MTFR1: variants seen among roughly 807,000 people sequenced by gnomAD.
MTFR1 encodes mitochondrial fission regulator 1, also known as chondrocyte protein with a poly-proline region.
In MTFR1, 28 loss-of-function variants were observed where a neutral mutation model predicts 38.8. That is an observed-to-expected ratio of 0.72 (90% CI 0.53 to 0.99). MTFR1 has a LOEUF of 0.99. Among genes scored for constraint, MTFR1 ranks in the 50% least tolerant of loss-of-function variants. MTFR1 has a pLI of 0.00. For missense variants in MTFR1, 358 were observed against 395.5 expected, an observed-to-expected ratio of 0.91 and a Z score of 0.81; for synonymous variants, 145 against 137.0, an observed-to-expected ratio of 1.06 and a Z score of -0.41.
intron 3 of MTFR1, among the ~76,000 whole-genome samples, chr8:65,743,125 T>C (rs1243033965): frequency 1.3e-5 from 2 of 151,702 alleles, no homozygotes; most frequent in African/African-American, 4.9e-5. Flanking sequence ...GGCTATGAGC[T>C]GTGAGAGTTT....
At chr8:65,719,213 A>T in intron 2 of MTFR1, 1 of 943,844 alleles carries the variant, frequency 1.1e-6, no homozygotes, top group Non-Finnish European at 1.7e-6. Context: ...GTCAAGAGTT[A>T]AGTTCTCTCA....
intron 3 of MTFR1, among the ~76,000 whole-genome samples, chr8:65,736,674 C>T (rs1382416316): frequency 6.6e-6 from 1 of 151,610 alleles, no homozygotes; most frequent in Non-Finnish European, 1.5e-5. Context: ...TCGCATGAGC[C>T]GAGAGGTTGA....
intron 1 of MTFR1, among the ~76,000 whole-genome samples, chr8:65,656,296 T>C (rs1809269360): frequency 6.6e-6 from 1 of 151,962 alleles, no homozygotes. Flanking sequence ...AAGGACATAG[T>C]CTCAAAATAA....
At chr8:65,661,327 T>C (rs1308892389) in intron 1 of MTFR1, among the ~76,000 whole-genome samples, 1 of 152,250 alleles carries the variant, frequency 6.6e-6, no homozygotes, top group Non-Finnish European at 1.5e-5. Context: ...TACTTTCTAC[T>C]CAATTTTGCT....
chr8:65,657,779 G>C (rs768490912), intron 1 of MTFR1, among the ~76,000 whole-genome samples: 1 of 151,262 alleles, frequency 6.6e-6, no homozygotes, highest in Admixed American at 6.6e-5. Context: ...ATAACTTCAC[G>C]TTCCTTTTTT....
At chr8:65,706,213 TCCTTTTGCTTTACCTC>T (rs1183290074) in intron 5 of MTFR1, among the ~76,000 whole-genome samples, 2 of 152,236 alleles carry the variant, frequency 1.3e-5, no homozygotes, top group African/African-American at 2.4e-5. Context: ...AATTGATTTT[TCCTTTTGCTTTACCTC>T]CCTCTTCTGG....
At chr8:65,740,345 AC>A (rs1344105069) in intron 3 of MTFR1, among the ~76,000 whole-genome samples, 1 of 151,582 alleles carries the variant, frequency 6.6e-6, no homozygotes, top group Non-Finnish European at 1.5e-5. Context: ...GTTCCCATCC[AC>A]CCCCTCATTC....
chr8:65,644,531 G>T (rs1390696263), upstream of MTFR1, among the ~76,000 whole-genome samples: 1 of 152,228 alleles, frequency 6.6e-6, no homozygotes. Flanking sequence ...AGCAAGGTCC[G>T]CACAAAAGCA....
chr8:65,755,848 C>T (rs2128911220), intron 3 of MTFR1, among the ~76,000 whole-genome samples: 1 of 152,328 alleles, frequency 6.6e-6, no homozygotes, highest in Middle Eastern at 3.4e-3. Context: ...GCCTTGAACT[C>T]CTGAGCTCAA....
intron 5 of MTFR1, 44 bp downstream of exon 5, chr8:65,704,973 A>C: frequency 6.9e-7 from 1 of 1,453,436 alleles, no homozygotes; most frequent in Non-Finnish European, 9.4e-7. Flanking sequence ...GCAAACTAGA[A>C]GTTAGGAGAA....
At chr8:65,740,353 A>T (rs1807359734) in intron 3 of MTFR1, among the ~76,000 whole-genome samples, 1 of 152,054 alleles carries the variant, frequency 6.6e-6, no homozygotes, top group African/African-American at 2.4e-5. Context: ...CCACCCCCTC[A>T]TTCTCCACAG....
intron 3 of MTFR1, among the ~76,000 whole-genome samples, chr8:65,726,680 T>A (rs923815703): frequency 6.6e-6 from 1 of 152,224 alleles, no homozygotes; most frequent in Non-Finnish European, 1.5e-5. Context: ...TAAAAATAAC[T>A]ATCCATTAAA....
chr8:65,730,488 T>A (rs1435179080), intron 3 of MTFR1, among the ~76,000 whole-genome samples: 1 of 151,962 alleles, frequency 6.6e-6, no homozygotes, highest in Non-Finnish European at 1.5e-5. Context: ...CCAGCACACT[T>A]CTTATAAGAA....
At chr8:65,767,343 A>G (rs920386873) in intron 3 of MTFR1, among the ~76,000 whole-genome samples, 1 of 152,230 alleles carries the variant, frequency 6.6e-6, no homozygotes, top group African/African-American at 2.4e-5. Context: ...CTGTTGTATA[A>G]GCAACCACAG....
downstream of MTFR1, among the ~76,000 whole-genome samples, chr8:65,776,097 A>G (rs998705061): frequency 1.3e-5 from 2 of 152,156 alleles, no homozygotes; most frequent in African/African-American, 4.8e-5. Flanking sequence ...ATCTTACCTG[A>G]ATTATCAGCA....
At chr8:65,731,209 C>T (rs962141523) in intron 3 of MTFR1, among the ~76,000 whole-genome samples, 8 of 152,168 alleles carry the variant, frequency 5.3e-5, no homozygotes, top group African/African-American at 1.9e-4. Context: ...ATTTTTGTCA[C>T]TAGCAATTAG....
intron 3 of MTFR1, among the ~76,000 whole-genome samples, chr8:65,690,069 G>GT (rs1805226881): frequency 6.6e-6 from 1 of 151,816 alleles, no homozygotes; most frequent in South Asian, 2.1e-4. Context: ...TTGTTGTTTT[G>GT]TTTTTTTAAA....
intron 3 of MTFR1, among the ~76,000 whole-genome samples, chr8:65,768,840 TA>T (rs1222962921): frequency 9.2e-5 from 14 of 152,102 alleles, no homozygotes; most frequent in Non-Finnish European, 1.9e-4. Flanking sequence ...TAATAGATAA[TA>T]AAAGATATAA....
intron 2 of MTFR1, among the ~76,000 whole-genome samples, chr8:65,671,482 C>T (rs1261237879): frequency 1.3e-5 from 2 of 148,714 alleles, no homozygotes; most frequent in East Asian, 4.0e-4. Flanking sequence ...TTGCAGTAAG[C>T]TGAGATTGTG....
Sources: allele counts gnomAD v4.1 joint callset (sites outside exome capture counted in the v4.1 genomes callset), GRCh38; gene constraint gnomAD v4.1.1; transcripts MANE v1.5; gene names NCBI Gene and HGNC (gene_info 2026-07-23, HGNC 2026-07-21).